The following NHERF4 variants were observed in gnomAD, a reference collection of about 807,000 sequenced individuals.
NHERF4 encodes NHERF family PDZ scaffold protein 4.
the NHERF4 span, among the ~76,000 whole-genome samples, chr11:119,186,864 C>T: frequency 6.6e-6 from 1 of 152,066 alleles, no homozygotes; most frequent in South Asian, 2.1e-4. This position sits in a 1 kb window ranked among gnomAD's most constrained non-coding sequence, Gnocchi z 4.4. Context: ...TCCCGCTGGG[C>T]GCAGTGGCTC....
the NHERF4 span, chr11:119,187,439 T>C: frequency 6.2e-7 from 1 of 1,613,894 alleles, no homozygotes. Flanking sequence ...GAGGGTGGTT[T>C]TGGCTTCAGT....
the NHERF4 span, chr11:119,187,140 CAAAAAAAAAAAA>C: frequency 1.9e-4 from 95 of 509,616 alleles, no homozygotes; most frequent in Non-Finnish European, 2.9e-5. Flanking sequence ...AACTCCATCT[CAAAAAAAAAAAA>C]AAAAAAGAAA....
At chr11:119,188,184 T>G in the NHERF4 span, 1 of 1,515,100 alleles carries the variant, frequency 6.6e-7, no homozygotes, top group Non-Finnish European at 8.9e-7. Flanking sequence ...AAGGTGGGCC[T>G]TGGGGTGGGC....
At chr11:119,188,061 A>C in the NHERF4 span, 1 of 1,552,384 alleles carries the variant, frequency 6.4e-7, no homozygotes, top group East Asian at 2.4e-5. Flanking sequence ...CTGCCCACCA[A>C]GCCCCGCTGC....
At chr11:119,187,884 A>T in the NHERF4 span, 8 of 1,485,282 alleles carry the variant, frequency 5.4e-6, no homozygotes, top group Non-Finnish European at 7.2e-6. Flanking sequence ...TGGGGGGAGC[A>T]TACCTCTTCT....
the NHERF4 span, chr11:119,186,672 A>T: frequency 6.2e-7 from 1 of 1,607,628 alleles, no homozygotes; most frequent in Non-Finnish European, 8.5e-7. This position sits in a 1 kb window ranked among gnomAD's most constrained non-coding sequence, Gnocchi z 4.4. Context: ...ATGTTGTGGA[A>T]CACGAAGACT....
the NHERF4 span, chr11:119,187,989 TG>T: frequency 6.4e-7 from 1 of 1,573,408 alleles, no homozygotes; most frequent in Non-Finnish European, 8.6e-7. Flanking sequence ...GGGCCAGAGG[TG>T]GAAGAACAGT....
chr11:119,187,280 G>A, the NHERF4 span: 11 of 1,600,882 alleles, frequency 6.9e-6, 1 homozygote, highest in South Asian at 5.6e-5. Flanking sequence ...GTGGTACGCC[G>A]CATCCGGGCC....
the NHERF4 span, chr11:119,189,861 T>G: frequency 2.7e-6 from 1 of 366,200 alleles, no homozygotes; most frequent in South Asian, 3.7e-5. The surrounding 1 kb of genome is among the most constrained non-coding windows in gnomAD (Gnocchi z 5.8). Context: ...AGACCAGCTA[T>G]GCCTGCCCTC....
At chr11:119,186,318 T>C in the NHERF4 span, 51 of 1,576,028 alleles carry the variant, frequency 3.2e-5, no homozygotes, top group Admixed American at 8.8e-4. This position sits in a 1 kb window ranked among gnomAD's most constrained non-coding sequence, Gnocchi z 4.4. Flanking sequence ...TGTTTTCTCC[T>C]GTCCCAGTCC....
the NHERF4 span, chr11:119,188,139 G>A: frequency 2.4e-5 from 37 of 1,538,974 alleles, no homozygotes; most frequent in East Asian, 4.9e-4. Flanking sequence ...CTTGACGGTC[G>A]CCCTGGTGAG....
the NHERF4 span, chr11:119,187,780 G>T: frequency 4.1e-6 from 6 of 1,461,542 alleles, no homozygotes; most frequent in African/African-American, 1.4e-5. Flanking sequence ...TTCCCCATGC[G>T]CCTAACCTCC....
At chr11:119,187,433 G>T in the NHERF4 span, 1 of 1,614,104 alleles carries the variant, frequency 6.2e-7, no homozygotes, top group South Asian at 1.1e-5. Flanking sequence ...AAAGATGAGG[G>T]TGGTTTTGGC....
chr11:119,185,779 G>A, the NHERF4 span: 2 of 1,075,202 alleles, frequency 1.9e-6, no homozygotes, highest in Non-Finnish European at 1.4e-6. Flanking sequence ...GCAGTGAGAA[G>A]AGAAGACCCC....
At chr11:119,190,011 G>A in the NHERF4 span, 1 of 412,614 alleles carries the variant, frequency 2.4e-6, no homozygotes, top group Admixed American at 4.0e-5. This position sits in a 1 kb window ranked among gnomAD's most constrained non-coding sequence, Gnocchi z 4.2. Flanking sequence ...GACCAAAAGG[G>A]CCTCAGGCTC....
the NHERF4 span, chr11:119,185,663 T>C: frequency 6.3e-6 from 5 of 792,382 alleles, no homozygotes; most frequent in East Asian, 5.2e-5. Context: ...TGAGTTGATA[T>C]GTCTGTCTTC....
the NHERF4 span, chr11:119,186,676 G>A: frequency 8.7e-6 from 14 of 1,606,824 alleles, no homozygotes; most frequent in African/African-American, 5.3e-5. The surrounding 1 kb of genome is among the most constrained non-coding windows in gnomAD (Gnocchi z 4.4). Flanking sequence ...TGTGGAACAC[G>A]AAGACTATGC....
chr11:119,187,788 T>G, the NHERF4 span: 1 of 1,459,742 alleles, frequency 6.9e-7, no homozygotes, highest in African/African-American at 1.4e-5. Flanking sequence ...GCGCCTAACC[T>G]CCTTATCTGG....
At chr11:119,188,396 A>AAGGCTGGGATGC in the NHERF4 span, 57 of 1,613,812 alleles carry the variant, frequency 3.5e-5, no homozygotes, top group Non-Finnish European at 4.5e-5. Context: ...GCCAGCCAAG[A>AAGGCTGGGATGC]AGGCTGGGAT....
Sources: allele counts gnomAD v4.1 joint callset (sites outside exome capture counted in the v4.1 genomes callset), GRCh38; gene constraint gnomAD v4.1.1; non-coding constraint Gnocchi (gnomAD v3.1); transcripts MANE v1.5; gene names NCBI Gene and HGNC (gene_info 2026-07-23, HGNC 2026-07-21).